The following NFXL1 variants were observed in gnomAD, a reference collection of about 807,000 sequenced individuals.
NFXL1 encodes NF-X1-type zinc finger protein NFXL1.
Under a neutral mutation model 123.3 loss-of-function variants are expected in NFXL1, and 66 were observed. That is an observed-to-expected ratio of 0.54 (90% confidence interval 0.44 to 0.66). The LOEUF is 0.66. NFXL1 is among the 30% of genes least tolerant of loss of function. NFXL1 has a pLI of 0.00. For missense variants in NFXL1, 944 were observed against 1,125.6 expected (o/e 0.84, Z 2.31); for synonymous variants, 346 against 360.8 (o/e 0.96, Z 0.46).
chr4:47,862,606 A>G (rs1734832631), intron 19 of NFXL1, among the ~76,000 whole-genome samples: 2 of 152,190 alleles, frequency 1.3e-5, no homozygotes, highest in Admixed American at 1.3e-4. Flanking sequence ...TTATTGTATA[A>G]AGTATGTAAG....
At chr4:47,860,277 G>A (rs936181976) in intron 19 of NFXL1, among the ~76,000 whole-genome samples, 1 of 151,966 alleles carries the variant, frequency 6.6e-6, no homozygotes, top group Middle Eastern at 3.4e-3. Context: ...AATAACTGAA[G>A]CCCCATACCA....
At chr4:47,878,745 G>T in intron 16 of NFXL1, 80 bp from the exon 17 acceptor site, 2 of 1,023,916 alleles carry the variant, frequency 2.0e-6, no homozygotes, top group Non-Finnish European at 2.7e-6. Flanking sequence ...AAATTACTCT[G>T]CTATCATTTG....
intron 22 of NFXL1, among the ~76,000 whole-genome samples, chr4:47,848,555 A>G (rs1400527004): frequency 6.6e-6 from 1 of 152,196 alleles, no homozygotes; most frequent in Non-Finnish European, 1.5e-5. Flanking sequence ...ACAGAAGAGA[A>G]TATTTCAAAC....
chr4:47,848,619 G>GT (rs1733942719), intron 22 of NFXL1, among the ~76,000 whole-genome samples: 1 of 152,230 alleles, frequency 6.6e-6, no homozygotes, highest in South Asian at 2.1e-4. Context: ...GCCGGGCACG[G>GT]TGGCTCACGC....
intron 18 of NFXL1, among the ~76,000 whole-genome samples, chr4:47,866,906 G>T (rs1365897474): frequency 1.3e-5 from 2 of 152,186 alleles, no homozygotes; most frequent in African/African-American, 4.8e-5. Flanking sequence ...AACTTCTCTG[G>T]TTGGAAACAT....
chr4:47,857,669 C>T (rs1292766990), intron 19 of NFXL1, among the ~76,000 whole-genome samples: 1 of 152,138 alleles, frequency 6.6e-6, no homozygotes, highest in Non-Finnish European at 1.5e-5. Context: ...TTGTAGAAGA[C>T]ATACATTGGG....
chr4:47,907,728 AAATT>A (rs1452453594), intron 3 of NFXL1, among the ~76,000 whole-genome samples: 2 of 152,254 alleles, frequency 1.3e-5, no homozygotes, highest in Non-Finnish European at 2.9e-5. Context: ...ACCAGATTAA[AAATT>A]AATAAAACTT....
chr4:47,910,747 G>C lies in NFXL1; in HGVS notation c.406+77C>G. 7 of 852,192 alleles carry C rather than the reference G, an allele frequency of 8.2e-6. No individual in the cohort carries two copies. The South Asian group carries it at 1.4e-4, about 17-fold the overall frequency. The allele number at this position is 852,192 out of a possible 1,614,324, so 52.8% of individuals were successfully genotyped here. Reference sequence around the variant, plus strand: ...TAAGATATAAAATCTATTCCATATAGAACAAAGGCATTACCAAAAAAATGT... The same window carrying C: ...TAAGATATAAAATCTATTCCATATACAACAAAGGCATTACCAAAAAAATGT... On this transcript the variant is annotated intron_variant, in intron 3 of 22. Transcript: ENST00000507489.
chr4:47,890,013 A>G (rs114446278), intron 12 of NFXL1, among the ~76,000 whole-genome samples: 2,590 of 152,212 alleles, frequency 0.017, 73 homozygotes, highest in African/African-American at 0.059. Context: ...CATTATTTGT[A>G]TTAAGATATA....
At chr4:47,856,057 T>G (rs1431305725) in intron 19 of NFXL1, among the ~76,000 whole-genome samples, 3 of 152,172 alleles carry the variant, frequency 2.0e-5, no homozygotes, top group African/African-American at 7.2e-5. Context: ...AAAAACAATT[T>G]TTTTTAGGCA....
In NFXL1 at chr4:47,872,909, T is replaced by C. The variant is rs189610426; in HGVS notation, c.2246+2218A>G. 2.8e-4 allele frequency among the ~76,000 whole-genome samples: 42 copies of C among 152,340 alleles called. No individual in the cohort carries two copies. The East Asian group carries it at 8.1e-3, about 29-fold the overall frequency. On this transcript the variant is annotated intron_variant, in intron 18 of 22. Coordinates refer to ENST00000507489, the MANE Select transcript of NFXL1 (RefSeq NM_001278624.2). ...CTTTCAGGAAGATTTCTCTGTAGCA[T>C]GTGATGCTGTGTTTCATAGCATTTT...
intron 17 of NFXL1, chr4:47,877,005 A>G: frequency 8.5e-7 from 1 of 1,173,938 alleles, no homozygotes; most frequent in Non-Finnish European, 1.1e-6. Flanking sequence ...AAAGAACCAA[A>G]GTTCACCTAA....
chr4:47,884,304 AGTTTTTT>A (rs752356714), intron 15 of NFXL1, 35 bp downstream of exon 15: 2 of 1,200,304 alleles, frequency 1.7e-6, no homozygotes, highest in East Asian at 4.7e-5. Context: ...CTATGTCAAA[AGTTTTTT>A]GTTTTTTTTT....
Position 47,862,907 on chromosome 4 carries a change from G to T in NFXL1, c.2255C>A (p.Thr752Asn). 6.4e-7 allele frequency: 1 copy of T among 1,557,060 alleles called. No homozygotes were observed. The highest frequency in any genetic ancestry group is 8.7e-7 in the Non-Finnish European group (1 of 1,154,014). The change falls in exon 19 of 23, where the codon ACC becomes AAC. Residue 752 changes from threonine (T) to asparagine (N), a missense_variant. Physicochemically the swap from Thr to Asn is moderately conservative, Grantham distance 65 (BLOSUM62 0). Around this residue, in one of 4 missense-constraint regions of NFXL1, gnomAD observed 301 missense variants for 348.0 expected, o/e 0.86. Transcript: ENST00000507489. The stretch of plus-strand genomic sequence containing the variant: ...GTTCTTTTCATTTACATCAGCTGTG[G>T]TTATTTTTCTAAAAATAAGAAAGTT... The part of the protein sequence containing the change: ...TSLYVECRKI[T>N]TADVNEKNLL...
intron 15 of NFXL1, among the ~76,000 whole-genome samples, chr4:47,882,844 A>G (rs1307153262): frequency 6.6e-6 from 1 of 152,206 alleles, no homozygotes; most frequent in African/African-American, 2.4e-5. Flanking sequence ...TTTCACACAC[A>G]AGATCATGTC....
intron 10 of NFXL1, 71 bp downstream of exon 10, chr4:47,896,452 C>A (rs1737090480): frequency 3.2e-6 from 4 of 1,248,900 alleles, no homozygotes; most frequent in African/African-American, 3.0e-5. Flanking sequence ...AGAAAACAAC[C>A]ACAGGACAAT....
chr4:47,849,300 C>G (rs1488569445), intron 22 of NFXL1, among the ~76,000 whole-genome samples: 1 of 152,072 alleles, frequency 6.6e-6, no homozygotes, highest in Non-Finnish European at 1.5e-5. Flanking sequence ...GAATTGCATT[C>G]AATATCAAAT....
chr4:47,848,670 A>G (rs1250406838), intron 22 of NFXL1, among the ~76,000 whole-genome samples: 1 of 152,090 alleles, frequency 6.6e-6, no homozygotes, highest in Non-Finnish European at 1.5e-5. Context: ...CAGGCGGGTC[A>G]CAAGGTGAGG....
rs764069369 is a variant in NFXL1, at chr4:47,910,921, T to C, written c.309A>G (p.Glu103=). 6.2e-7 allele frequency: 1 copy of C among 1,606,970 alleles called. No individual in the cohort carries two copies. Among genetic ancestry groups the C allele is most frequent in the Non-Finnish European group, 8.5e-7 (1 of 1,175,838 alleles). ...CTTCTTCAGATGAAGAGCTAAACTG[T>C]TCTTCAACAAGTTTTCTGGCTGCAG... is the stretch of plus-strand genomic sequence containing the variant. ...NQAAARKLVE[E]QFSSSSEEGD... The change falls in exon 3 of 23, where the codon GAA becomes GAG. Residue 103 remains glutamate (E), a synonymous_variant. Transcript: ENST00000507489.
Sources: allele counts gnomAD v4.1 joint callset (sites outside exome capture counted in the v4.1 genomes callset), GRCh38; gene constraint gnomAD v4.1.1; regional missense constraint gnomAD v4.1.1; transcripts MANE v1.5; gene names NCBI Gene and HGNC (gene_info 2026-07-23, HGNC 2026-07-21).